PHACTR1: variants seen among roughly 807,000 people sequenced by gnomAD.
PHACTR1 encodes RPEL repeat containing 1.
A neutral mutation model predicts 69.2 loss-of-function variants in PHACTR1; 16 were observed. That is an observed-to-expected ratio of 0.23 (90% CI 0.16 to 0.35). The LOEUF (loss-of-function observed/expected upper bound fraction) is 0.35. Among genes scored for constraint, PHACTR1 ranks in the 10% least tolerant of loss-of-function variants. The probability of loss-of-function intolerance (pLI) is 1.00; values close to 1 mark genes in which losing one functional copy is unlikely to be tolerated. For missense variants in PHACTR1, 510 were observed against 734.7 expected, an observed-to-expected ratio of 0.69 and a Z score of 3.54; for synonymous variants, 312 against 284.5, an observed-to-expected ratio of 1.10 and a Z score of -0.97.
At chr6:13,027,124 G>T (rs1801803501) in intron 4 of PHACTR1, among the ~76,000 whole-genome samples, 1 of 152,030 alleles carries the variant, frequency 6.6e-6, no homozygotes, top group African/African-American at 2.4e-5. Context: ...ATTAGGGACT[G>T]GTTGGGAAGT....
chr6:13,034,221 G>A (rs1326455522), intron 4 of PHACTR1, among the ~76,000 whole-genome samples: 1 of 152,016 alleles, frequency 6.6e-6, no homozygotes, highest in Non-Finnish European at 1.5e-5. Flanking sequence ...GTTTCACCGT[G>A]TTAGCCAGGA....
chr6:12,970,812 G>A (rs1275264111), intron 4 of PHACTR1, among the ~76,000 whole-genome samples: 1 of 152,102 alleles, frequency 6.6e-6, no homozygotes, highest in East Asian at 1.9e-4. Flanking sequence ...TTTTTTGCCA[G>A]CAGTATTATG....
At chr6:13,236,958 C>G (rs780798969) in intron 10 of PHACTR1, among the ~76,000 whole-genome samples, 3 of 152,102 alleles carry the variant, frequency 2.0e-5, no homozygotes, top group Non-Finnish European at 2.9e-5. Context: ...AAAAGTCCAC[C>G]CTTGCATCAA....
At chr6:12,981,033 A>T (rs1466611675) in intron 4 of PHACTR1, among the ~76,000 whole-genome samples, 2 of 152,232 alleles carry the variant, frequency 1.3e-5, no homozygotes, top group Non-Finnish European at 2.9e-5. Flanking sequence ...ACTGGTGGGA[A>T]TGCTTGCCAA....
intron 5 of PHACTR1, among the ~76,000 whole-genome samples, chr6:13,100,370 A>G (rs1456303573): frequency 2.0e-5 from 3 of 152,240 alleles, no homozygotes; most frequent in East Asian, 1.9e-4. Flanking sequence ...ATAAACCCCA[A>G]CCGTTAAACT....
At chr6:12,752,212 G>T (rs774891619) in intron 4 of PHACTR1, among the ~76,000 whole-genome samples, 4 of 152,188 alleles carry the variant, frequency 2.6e-5, no homozygotes, top group Admixed American at 6.5e-5. Context: ...CCTTTCTCCC[G>T]CATTTAAGAG....
chr6:13,189,184 A>G (rs753121177), intron 7 of PHACTR1, among the ~76,000 whole-genome samples: 7 of 152,236 alleles, frequency 4.6e-5, no homozygotes, highest in Non-Finnish European at 8.8e-5. Flanking sequence ...TAATAATGTC[A>G]GCCTTTTTTG....
chr6:12,812,214 C>T (rs896140438), intron 4 of PHACTR1, among the ~76,000 whole-genome samples: 2 of 152,188 alleles, frequency 1.3e-5, no homozygotes, highest in Non-Finnish European at 2.9e-5. Context: ...CTGCAGATTA[C>T]TTATTCTGGA....
At chr6:12,780,896 G>C (rs142897395) in intron 4 of PHACTR1, among the ~76,000 whole-genome samples, 6 of 152,284 alleles carry the variant, frequency 3.9e-5, no homozygotes, top group Non-Finnish European at 8.8e-5. Flanking sequence ...CAGATGAAGT[G>C]GGGGAAGGAA....
intron 4 of PHACTR1, among the ~76,000 whole-genome samples, chr6:12,766,686 G>C (rs985395652): frequency 2.6e-5 from 4 of 152,188 alleles, no homozygotes; most frequent in African/African-American, 9.7e-5. Context: ...ACAGAGTCGA[G>C]TATGATATTT....
chr6:13,212,433 G>C (rs1209876158), intron 8 of PHACTR1, among the ~76,000 whole-genome samples: 1 of 152,150 alleles, frequency 6.6e-6, no homozygotes, highest in East Asian at 1.9e-4. Context: ...CAGGTCCTCT[G>C]TGACCCCTTC....
chr6:13,158,777 G>T (rs970362701), intron 5 of PHACTR1, among the ~76,000 whole-genome samples: 1 of 152,232 alleles, frequency 6.6e-6, no homozygotes, highest in African/African-American at 2.4e-5. Flanking sequence ...ATAGCTTAGA[G>T]GGTGGCAGAG....
At chr6:12,748,171 G>A (rs971498535) in intron 3 of PHACTR1, among the ~76,000 whole-genome samples, 8 of 152,164 alleles carry the variant, frequency 5.3e-5, no homozygotes, top group African/African-American at 1.9e-4. Context: ...GAATGGGAAG[G>A]AAACATTATG....
intron 4 of PHACTR1, among the ~76,000 whole-genome samples, chr6:12,759,442 C>T (rs1456210670): frequency 5.3e-5 from 7 of 132,560 alleles, no homozygotes; most frequent in Non-Finnish European, 1.2e-4. Context: ...AAGGCATTTG[C>T]AAAAAAAAAA....
chr6:13,116,086 C>A (rs140160223), intron 5 of PHACTR1, among the ~76,000 whole-genome samples: 1 of 152,212 alleles, frequency 6.6e-6, no homozygotes, highest in Admixed American at 6.5e-5. Context: ...TATACTGGAA[C>A]TATCTGGTTT....
chr6:12,944,254 A>G (rs1790360332), intron 4 of PHACTR1, among the ~76,000 whole-genome samples: 1 of 152,164 alleles, frequency 6.6e-6, no homozygotes, highest in Non-Finnish European at 1.5e-5. Context: ...GCTGAGTCCA[A>G]CTCCTGGGCT....
Position 13,272,929 on chromosome 6 carries a change from C to A in PHACTR1, c.1447+14C>A, listed in dbSNP as rs753285352. On this transcript the variant is annotated intron_variant, in intron 11 of 14. Coordinates refer to ENST00000332995, the MANE Select transcript of PHACTR1 (RefSeq NM_030948.6). ...ACATTTTGAAACGTAAGTGACTAAG[C>A]CCATGGCAATCCCTGATGTTTTGTG... 6 of 1,613,658 alleles carry A rather than the reference C, an allele frequency of 3.7e-6. No homozygotes were observed. In the Admixed American group the frequency reaches 1.0e-4, roughly 27 times the overall value.
intron 4 of PHACTR1, among the ~76,000 whole-genome samples, chr6:12,875,253 A>G (rs1782419235): frequency 6.6e-6 from 1 of 152,348 alleles, no homozygotes; most frequent in South Asian, 2.1e-4. Flanking sequence ...TGGAAAAATC[A>G]TTTATTACTC....
intron 4 of PHACTR1, among the ~76,000 whole-genome samples, chr6:12,878,254 T>C (rs901690793): frequency 6.6e-6 from 1 of 152,192 alleles, no homozygotes; most frequent in Non-Finnish European, 1.5e-5. Flanking sequence ...AAAAATACAA[T>C]TTGATGGTCC....
Sources: allele counts gnomAD v4.1 joint callset (sites outside exome capture counted in the v4.1 genomes callset), GRCh38; gene constraint gnomAD v4.1.1; transcripts MANE v1.5; gene names NCBI Gene and HGNC (gene_info 2026-07-23, HGNC 2026-07-21).